KMT2D: variants seen among roughly 807,000 people sequenced by gnomAD.
KMT2D encodes the protein histone-lysine N-methyltransferase 2D.
A neutral mutation model predicts 512.7 loss-of-function variants in KMT2D; 55 were observed. That is an observed-to-expected ratio of 0.11 (90% CI 0.09 to 0.13). KMT2D has a LOEUF of 0.13. Among genes scored for constraint, KMT2D ranks in the 10% least tolerant of loss-of-function variants. KMT2D has a pLI of 1.00. For missense variants in KMT2D, 6,061 were observed against 7,127.9 expected, an observed-to-expected ratio of 0.85 and a Z score of 5.39; for synonymous variants, 2,995 against 2,904.0, an observed-to-expected ratio of 1.03 and a Z score of -1.01.
At position 49,028,059 on chromosome 12, in the gene KMT2D, C is replaced by G. The variant is rs752995340; in HGVS notation, c.14465G>C (p.Ser4822Thr). 4 of 1,614,020 alleles carry G rather than the reference C, an allele frequency of 2.5e-6. No individual in the cohort carries two copies. Among genetic ancestry groups the G allele is most frequent in the Non-Finnish European group, 3.4e-6 (4 of 1,179,886 alleles). ...TGGCTCAGTGCCTGCCCGGGCGGGGCTCTCTGGGAACAGCACCTCATAGGA... is the reference window on the plus strand; with the variant it reads ...TGGCTCAGTGCCTGCCCGGGCGGGGGTCTCTGGGAACAGCACCTCATAGGA... ...PNSYEVLFPESPARAGTEPKK... is the reference protein window; with the variant it reads ...PNSYEVLFPETPARAGTEPKK... The change falls in exon 47 of 55, where the codon AGC becomes ACC. Residue 4822 changes from serine (S) to threonine (T), a missense_variant. By Grantham distance (58) the Ser-to-Thr change is moderately conservative (BLOSUM62 1). Coordinates refer to ENST00000301067, the MANE Select transcript of KMT2D (RefSeq NM_003482.4).
chr12:49,039,502 C>A lies in KMT2D; in HGVS notation c.8162G>T (p.Gly2721Val), dbSNP rs758773506. 6.2e-7 allele frequency: 1 copy of A among 1,611,890 alleles called. No homozygotes were observed. The highest frequency in any genetic ancestry group is 8.5e-7 in the Non-Finnish European group (1 of 1,179,056). The part of the protein sequence containing the change: ...AGAVGPPGSW[G>V]AEPSSPAFEQ... ...AAAGGCAGGGCTGCTGGGCTCAGCA[C>A]CCCAGCTGCCTGGAGGCCCCACTGC... Residue 2721 changes from glycine (G) to valine (V), a missense_variant, in exon 33 of 55, where the codon GGT (glycine) becomes GTT (valine). Gly to Val is a moderately radical substitution (Grantham distance 109, BLOSUM62 -3). Around this residue, in one of 16 missense-constraint regions of KMT2D, gnomAD observed 527 missense variants for 578.9 expected, o/e 0.91. Transcript: ENST00000301067. This position sits in a 1 kb window ranked among gnomAD's most constrained non-coding sequence, Gnocchi z 5.0.
chr12:49,028,215 T>C, intron 46 of KMT2D, 74 bp from the exon 47 acceptor site: 1 of 1,593,878 alleles, frequency 6.3e-7, no homozygotes, highest in South Asian at 1.1e-5. Flanking sequence ...ACCAGCTGGG[T>C]GGGGACAAGG....
chr12:49,056,599 G>A (rs1252203817), intron 1 of KMT2D, among the ~76,000 whole-genome samples: 1 of 152,196 alleles, frequency 6.6e-6, no homozygotes, highest in Non-Finnish European at 1.5e-5. Flanking sequence ...TGTTCCTAGA[G>A]AAAGTGGTGG....
At position 49,024,760 on chromosome 12, in the gene KMT2D, C is replaced by A. The variant is rs765762132; in HGVS notation, c.15921+50G>T. On this transcript the variant is annotated intron_variant, in intron 50 of 54. Transcript: ENST00000301067. This position sits in a 1 kb window ranked among gnomAD's most constrained non-coding sequence, Gnocchi z 4.5. ...AGCCTGAGTTTTTTTGGGGTTAGGC[C>A]AAAGTTCTCAGTGCCCGCCAAGCCC... The A allele has an allele frequency of 6.2e-7, 1 of 1,608,536 alleles. No homozygotes were observed.
In KMT2D at chr12:49,051,934, A is replaced by C. The variant is rs774536143; in HGVS notation, c.1749T>G (p.Pro583=). 10 of 1,601,934 alleles carry C rather than the reference A, an allele frequency of 6.2e-6. No individual in the cohort carries two copies. The African/African-American group carries it at 1.3e-4, about 20-fold the overall frequency. ...SPPPEESPMS[P]PPEESPMSPP... ...GAGACATGGGTGACTCTTCAGGTGGAGGGGACATGGGTGACTCCTCAGGTG... is the reference window on the plus strand; with the variant it reads ...GAGACATGGGTGACTCTTCAGGTGGCGGGGACATGGGTGACTCCTCAGGTG... The change falls in exon 11 of 55, where the codon CCT becomes CCG. Residue 583 remains proline (P), a synonymous_variant. Coordinates refer to ENST00000301067, the MANE Select transcript of KMT2D (RefSeq NM_003482.4).
rs754280002 is a variant in KMT2D, at chr12:49,052,434, C to A, written c.1259-10G>T. ...TGGACCCCTGCTTTCCCTGCAGACA[C>A]AACAACACGATGCTCCTATCTAGCT... On this transcript the variant is annotated splice_polypyrimidine_tract_variant and intron_variant, in intron 10 of 54. Transcript: ENST00000301067. The A allele has an allele frequency of 1.3e-6, 2 of 1,543,532 alleles. No homozygotes were observed. Among genetic ancestry groups the A allele is most frequent in the Non-Finnish European group, 1.7e-6 (2 of 1,143,590 alleles).
rs398123717 is a variant in KMT2D at position 49,030,977 on chromosome 12, G to A, written c.13587C>T (p.Ser4529=). 1.5e-4 allele frequency: 240 copies of A among 1,613,912 alleles called. No individual in the cohort carries two copies. The highest frequency in any genetic ancestry group is 1.5e-3 in the South Asian group (133 of 91,082). The change falls in exon 41 of 55, where the codon AGC becomes AGT. Residue 4529 remains serine (S), a synonymous_variant. Transcript: ENST00000301067. ...TCTTTCGGGAGCTCACCAACCTGTC[G>A]CTTGCCTTCTGTACCCGCTTGGGCT... is the stretch of plus-strand genomic sequence containing the variant. ...TPKPKRVQKA[S]DRLVSSRKKL...
At chr12:49,035,948 T>G (rs1565783333) in intron 35 of KMT2D, 1 of 152,240 alleles carries the variant, frequency 6.6e-6, no homozygotes, top group Non-Finnish European at 1.5e-5. Flanking sequence ...CGACCAGACT[T>G]CAGATCTAGC....
Position 49,039,685 on chromosome 12 carries a change from G to A in KMT2D, c.8046+39C>T, listed in dbSNP as rs747948417. The A allele has an allele frequency of 4.4e-6, 7 of 1,604,564 alleles. 1 individual carries two copies. The Admixed American group carries it at 5.0e-5, about 12-fold the overall frequency. Reference sequence around the variant, plus strand: ...AATCATAGGGCTGCCCCAGAGACAGGAGCGATATAGGGGGCTTAGCTCCAG... The same window carrying A: ...AATCATAGGGCTGCCCCAGAGACAGAAGCGATATAGGGGGCTTAGCTCCAG... On this transcript the variant is annotated intron_variant, in intron 32 of 54. Transcript: ENST00000301067. This position sits in a 1 kb window ranked among gnomAD's most constrained non-coding sequence, Gnocchi z 5.0.
chr12:49,033,240 CCCTGGGGG>C lies in KMT2D; in HGVS notation c.11457_11464del (p.Gln3821SerfsTer188). The C allele has an allele frequency of 6.4e-7, 1 of 1,553,458 alleles. No homozygotes were observed. On this transcript the variant is annotated frameshift_variant, in exon 40 of 55. Transcript: ENST00000301067. LOFTEE classifies it high-confidence loss of function. ...GGTCATAAGCACCTGTCTGTGAGGG[CCCTGGGGG>C]CCCAAAGCTCCAGGGTGCTGCTGCT...
rs1375381021 is a variant in KMT2D at position 49,037,410 on chromosome 12, C to T, written c.9946G>A (p.Gly3316Ser). 1.2e-6 allele frequency: 2 copies of T among 1,603,060 alleles called. No homozygotes were observed. Among genetic ancestry groups the T allele is most frequent in the Admixed American group, 1.7e-5 (1 of 58,212 alleles). The change falls in exon 35 of 55, where the codon GGT becomes AGT. Residue 3316 changes from glycine (G) to serine (S), a missense_variant. Coordinates refer to ENST00000301067, the MANE Select transcript of KMT2D (RefSeq NM_003482.4). ...CCTGGCTGTCGGGCACCTGCAAGACCCAGGGAAAGCTGCTGTTGGGACCCA... is the reference window on the plus strand; with the variant it reads ...CCTGGCTGTCGGGCACCTGCAAGACTCAGGGAAAGCTGCTGTTGGGACCCA... ...LAGSQQQLSL[G>S]LAGARQPGLP...
At chr12:49,058,320 T>G (rs1450373092) in intron 1 of KMT2D, among the ~76,000 whole-genome samples, 1 of 152,198 alleles carries the variant, frequency 6.6e-6, no homozygotes, top group African/African-American at 2.4e-5. Context: ...AGAGCAGGAT[T>G]GACAGCTCAC....
At chr12:49,035,243 C>T (rs577809162) in intron 35 of KMT2D, among the ~76,000 whole-genome samples, 35 of 152,208 alleles carry the variant, frequency 2.3e-4, no homozygotes, top group Non-Finnish European at 4.0e-4. Context: ...CTCCGTCTAC[C>T]TCACAGAGGT....
At chr12:49,025,041 C>T (rs1340792256) in intron 49 of KMT2D, 95 bp from the exon 50 acceptor site, 1 of 1,347,730 alleles carries the variant, frequency 7.4e-7, no homozygotes, top group Non-Finnish European at 1.0e-6. Flanking sequence ...TTTCTGAGGC[C>T]TTCAAGCCTC....
At position 49,040,775 on chromosome 12, in the gene KMT2D, G is replaced by C. The variant is rs1466180356; in HGVS notation, c.6995C>G (p.Thr2332Ser). ...KTPDVFKAPL[T>S]PRASQVEPQS... The stretch of plus-strand genomic sequence containing the variant: ...GGGCTCTACCTGAGATGCCCGAGGG[G>C]TCAGGGGGGCTTTGAAGACATCAGG... Residue 2332 changes from threonine (T) to serine (S), a missense_variant, in exon 32 of 55, where the codon ACC (threonine) becomes AGC (serine). Thr to Ser is a moderately conservative substitution (Grantham distance 58). This residue lies in a region of KMT2D where 710 missense variants were observed against 647.3 expected (regional missense o/e 1.10). Coordinates refer to ENST00000301067, the MANE Select transcript of KMT2D (RefSeq NM_003482.4). 2.5e-6 allele frequency: 4 copies of C among 1,613,652 alleles called. No homozygotes were observed. Among genetic ancestry groups the C allele is most frequent in the Non-Finnish European group, 3.4e-6 (4 of 1,179,728 alleles).
chr12:49,025,608 C>T (rs1235377346), intron 49 of KMT2D, among the ~76,000 whole-genome samples: 1 of 152,206 alleles, frequency 6.6e-6, no homozygotes, highest in Admixed American at 6.5e-5. Flanking sequence ...GAATGTATCC[C>T]TGTCATTTAG....
In KMT2D at chr12:49,041,964, T is replaced by A; in HGVS notation, c.6136A>T (p.Met2046Leu). ...GCTGGAACCTTTCTCCAGAGCTTCA[T>A]GATTTGTTTGCAACGGCTTGACCAG... The part of the protein sequence containing the change: ...PDWSSRCKQI[M>L]KLWRKVPAAD... The change falls in exon 30 of 55, where the codon ATG (methionine) becomes TTG (leucine). Residue 2046 changes from methionine to leucine, a missense_variant. Physicochemically the swap from Met to Leu is conservative, Grantham distance 15 (BLOSUM62 2). Coordinates refer to ENST00000301067, the MANE Select transcript of KMT2D (RefSeq NM_003482.4). This position sits in a 1 kb window ranked among gnomAD's most constrained non-coding sequence, Gnocchi z 5.4. 6.2e-7 allele frequency: 1 copy of A among 1,611,854 alleles called. No homozygotes were observed. The highest frequency in any genetic ancestry group is 1.7e-5 in the Admixed American group (1 of 59,744).
In KMT2D at chr12:49,041,890, G is replaced by T; in HGVS notation, c.6183+27C>A. ...TCCCTCCCTCCCTCTCAGTTCCCAC[G>T]CTAATCCATGCTCCTTTCTGCCTCA... is the stretch of plus-strand genomic sequence containing the variant. On this transcript the variant is annotated intron_variant, in intron 30 of 54. Transcript: ENST00000301067. The surrounding 1 kb of genome is among the most constrained non-coding windows in gnomAD (Gnocchi z 5.4). The T allele has an allele frequency of 6.3e-7, 1 of 1,584,020 alleles. No homozygotes were observed. Among genetic ancestry groups the T allele is most frequent in the Non-Finnish European group, 8.6e-7 (1 of 1,162,258 alleles).
chr12:49,047,565 G>A (rs755772870), intron 15 of KMT2D, among the ~76,000 whole-genome samples: 3 of 148,010 alleles, frequency 2.0e-5, no homozygotes, highest in Non-Finnish European at 3.0e-5. Flanking sequence ...TTACAGGCAC[G>A]CGCTACCACA....
Sources: gnomAD v4.1 joint callset for allele counts (sites outside exome capture counted in the v4.1 genomes callset) on GRCh38, gnomAD v4.1.1 for gene constraint, gnomAD v4.1.1 regional missense constraint, Gnocchi (gnomAD v3.1) non-coding constraint, MANE v1.5 for transcripts, NCBI Gene and HGNC (gene_info 2026-07-23, HGNC 2026-07-21) for gene names.